NCALD: variants seen among roughly 807,000 people sequenced by gnomAD.
NCALD encodes the protein neurocalcin-delta.
In NCALD, 10 loss-of-function variants were observed where a neutral mutation model predicts 18.6. The observed-to-expected ratio is 0.54, with a 90% CI of 0.33 to 0.91. The LOEUF is 0.91. NCALD is among the 40% of genes least tolerant of loss of function. NCALD has a pLI of 0.03. For missense variants in NCALD, 184 were observed against 247.6 expected, an observed-to-expected ratio of 0.74 and a Z score of 1.72; for synonymous variants, 88 against 87.4, an observed-to-expected ratio of 1.01 and a Z score of -0.04.
rs1586435886 is a variant in NCALD, at chr8:101,763,768, T to C, written c.-20+27094A>G. Among the ~76,000 whole-genome samples the C allele has an allele frequency of 2.0e-5, 3 of 152,004 alleles. No individual in the cohort carries two copies. The South Asian group carries it at 6.2e-4, about 32-fold the overall frequency. Reference sequence around the variant, plus strand: ...GCCAAATTGCCTTCAAACCATGACATTGGCTTTTTTCTTGCCTTCAGACTT... The same window carrying C: ...GCCAAATTGCCTTCAAACCATGACACTGGCTTTTTTCTTGCCTTCAGACTT... On this transcript the variant is annotated intron_variant, in intron 1 of 3. Transcript: ENST00000220931.
At chr8:101,851,382 A>G (rs1430516400) in intron 4 of NCALD, among the ~76,000 whole-genome samples, 1 of 152,182 alleles carries the variant, frequency 6.6e-6, no homozygotes, top group African/African-American at 2.4e-5. Flanking sequence ...TTAAACTAAA[A>G]AAAAAAATAC....
At position 101,824,387 on chromosome 8, in the gene NCALD, C is replaced by T. The variant is rs1237238683; in HGVS notation, c.-20+62754G>A. ...CAGGATTACAGAGAAAACCACCATA[C>T]TGGGGTACAAATACACACAGAGCCT... On this transcript the variant is annotated intron_variant, in intron 4 of 6. Transcript: ENST00000311028. 7.2e-5 allele frequency among the ~76,000 whole-genome samples: 11 copies of T among 152,148 alleles called. 1 individual carries two copies. In the East Asian group the frequency reaches 1.9e-3, roughly 27 times the overall value.
chr8:101,963,775 C>T (rs761290995), intron 2 of NCALD, among the ~76,000 whole-genome samples: 16 of 152,074 alleles, frequency 1.1e-4, no homozygotes, highest in East Asian at 1.9e-4. Flanking sequence ...GCATCACAAA[C>T]ACAGCCTATC....
chr8:101,847,956 C>T (rs182176726), intron 4 of NCALD, among the ~76,000 whole-genome samples: 6 of 152,110 alleles, frequency 3.9e-5, no homozygotes, highest in Middle Eastern at 3.4e-3. Flanking sequence ...TGCTGGGAAG[C>T]GTTCAGGTCT....
intron 1 of NCALD, among the ~76,000 whole-genome samples, chr8:102,055,460 A>G (rs1823619840): frequency 6.6e-6 from 1 of 152,184 alleles, no homozygotes; most frequent in South Asian, 2.1e-4. Context: ...TGCTTGACAA[A>G]TATTAGCTAT....
At chr8:102,004,665 C>T (rs1821623959) in intron 2 of NCALD, among the ~76,000 whole-genome samples, 1 of 152,124 alleles carries the variant, frequency 6.6e-6, no homozygotes, top group Non-Finnish European at 1.5e-5. Flanking sequence ...CAGCATGGTA[C>T]TGGTACCAAA....
At chr8:101,769,453 C>T (rs965191418) in intron 1 of NCALD, among the ~76,000 whole-genome samples, 1 of 152,086 alleles carries the variant, frequency 6.6e-6, no homozygotes, top group Non-Finnish European at 1.5e-5. Flanking sequence ...AGTGAACATA[C>T]TCTAGATATT....
At chr8:102,097,495 C>T (rs1367745647) in intron 1 of NCALD, among the ~76,000 whole-genome samples, 1 of 152,126 alleles carries the variant, frequency 6.6e-6, no homozygotes, top group East Asian at 1.9e-4. Flanking sequence ...CTCTGTGGCT[C>T]ATCATAAGAT....
At chr8:102,096,343 G>A (rs760923891) in intron 1 of NCALD, among the ~76,000 whole-genome samples, 8 of 152,132 alleles carry the variant, frequency 5.3e-5, no homozygotes, top group African/African-American at 4.8e-5. Flanking sequence ...CTCCTCTTCC[G>A]ATAAGGACAC....
chr8:102,068,177 C>T (rs1824068683), intron 1 of NCALD, among the ~76,000 whole-genome samples: 1 of 152,200 alleles, frequency 6.6e-6, no homozygotes, highest in African/African-American at 2.4e-5. Flanking sequence ...TATCAGGAAT[C>T]AAGAGGCTGG....
intron 1 of NCALD, among the ~76,000 whole-genome samples, chr8:101,768,087 G>A (rs1380374870): frequency 6.6e-6 from 1 of 152,212 alleles, no homozygotes; most frequent in Non-Finnish European, 1.5e-5. Flanking sequence ...TTCACATGTA[G>A]TAAGGGGGAG....
At chr8:101,781,152 T>C (rs1815391629) in intron 1 of NCALD, among the ~76,000 whole-genome samples, 2 of 149,366 alleles carry the variant, frequency 1.3e-5, no homozygotes, top group African/African-American at 5.0e-5. Context: ...AAATAGCTTC[T>C]ATTTTGTGAA....
chr8:101,689,087 G>A lies in NCALD; in HGVS notation c.*222C>T, dbSNP rs1451721414. 10 of 703,274 alleles carry A rather than the reference G, an allele frequency of 1.4e-5. No homozygotes were observed. The highest frequency in any genetic ancestry group is 2.3e-4 in the Middle Eastern group (1 of 4,370). The allele number at this position is 703,274 out of a possible 1,614,324, so 43.6% of individuals were successfully genotyped here. A position where few individuals can be genotyped will look rare whatever the true frequency, so the allele number is the denominator to read the frequency against. The stretch of plus-strand genomic sequence containing the variant: ...AAAATCATCAAACAATGAACACCAC[G>A]AAGTCTGTCCATGCTCTCCACAAGC... On this transcript the variant is annotated 3_prime_UTR_variant, in exon 4 of 4. Transcript: ENST00000220931. This position sits in a 1 kb window ranked among gnomAD's most constrained non-coding sequence, Gnocchi z 4.4.
At chr8:102,037,456 C>G (rs1027904599) in intron 1 of NCALD, among the ~76,000 whole-genome samples, 1 of 141,282 alleles carries the variant, frequency 7.1e-6, no homozygotes, top group Non-Finnish European at 1.6e-5. Flanking sequence ...AATGAAGCTA[C>G]CAAATTATAG....
intron 1 of NCALD, among the ~76,000 whole-genome samples, chr8:102,022,918 T>C (rs1034129723): frequency 6.6e-6 from 1 of 152,102 alleles, no homozygotes; most frequent in Non-Finnish European, 1.5e-5. Flanking sequence ...TCACAACTCA[T>C]TTTTAGAACT....
At chr8:102,004,215 A>G (rs1469134534) in intron 2 of NCALD, among the ~76,000 whole-genome samples, 1 of 152,156 alleles carries the variant, frequency 6.6e-6, no homozygotes, top group Non-Finnish European at 1.5e-5. Flanking sequence ...AAAAATCACA[A>G]GCATTCTTAT....
chr8:101,800,394 A>T (rs564794020), intron 4 of NCALD, among the ~76,000 whole-genome samples: 5 of 152,074 alleles, frequency 3.3e-5, no homozygotes, highest in Non-Finnish European at 5.9e-5. Flanking sequence ...ACTAAAGAAC[A>T]TACTGCTAAT....
intron 1 of NCALD, among the ~76,000 whole-genome samples, chr8:101,723,028 C>T (rs1272593384): frequency 6.6e-6 from 1 of 152,126 alleles, no homozygotes; most frequent in African/African-American, 2.4e-5. Context: ...CAGAGGGAAG[C>T]CTGACAATAC....
At chr8:101,975,709 C>A (rs1188119867) in intron 2 of NCALD, among the ~76,000 whole-genome samples, 1 of 152,172 alleles carries the variant, frequency 6.6e-6, no homozygotes, top group Non-Finnish European at 1.5e-5. Context: ...CAGAGGTTCA[C>A]CTTCCAAAGC....
Sources: allele counts gnomAD v4.1 joint callset (sites outside exome capture counted in the v4.1 genomes callset), GRCh38; gene constraint gnomAD v4.1.1; non-coding constraint Gnocchi (gnomAD v3.1); transcripts MANE v1.5; gene names NCBI Gene and HGNC (gene_info 2026-07-23, HGNC 2026-07-21).